The following PRXL2A variants were observed in gnomAD, a reference collection of about 807,000 sequenced individuals.
The protein encoded by PRXL2A is peroxiredoxin-like 2A.
In PRXL2A, 26 loss-of-function variants were observed where a neutral mutation model predicts 25.6. The observed-to-expected ratio is 1.02, with a 90% CI of 0.74 to 1.41. PRXL2A has a LOEUF of 1.41. Ranked by LOEUF, PRXL2A falls within the 40% of genes most tolerant of loss-of-function variation. PRXL2A has a pLI of 0.00. For missense variants in PRXL2A, 246 were observed against 273.9 expected (o/e 0.90, Z 0.72); for synonymous variants, 98 against 102.9 (o/e 0.95, Z 0.29).
intron 1 of PRXL2A, chr10:80,419,989 G>A (rs1844804180): frequency 3.0e-6 from 3 of 985,410 alleles, no homozygotes; most frequent in Non-Finnish European, 3.6e-6. Context: ...CAGTGCGGTT[G>A]GTGTTCTAAG....
Position 80,433,314 on chromosome 10 carries a change from T to C in PRXL2A, c.*1215T>C, listed in dbSNP as rs1796899570. On this transcript the variant is annotated 3_prime_UTR_variant, in exon 6 of 6. Transcript: ENST00000606162. ...ATGATGAAATATAACTTTATCTTTT[T>C]TGTTTGAATTTTGTCGTGTAAGTTT... 6.6e-6 allele frequency: 1 copy of C among 152,240 alleles called. No individual in the cohort carries two copies. Among genetic ancestry groups the C allele is most frequent in the Non-Finnish European group, 1.5e-5 (1 of 68,046 alleles). The allele number at this position is 152,240 out of a possible 1,614,324, so 9.4% of individuals were successfully genotyped here.
chr10:80,415,433 C>T (rs1268464382), intron 1 of PRXL2A, among the ~76,000 whole-genome samples: 6 of 152,228 alleles, frequency 3.9e-5, no homozygotes. Context: ...CTGCCCCAGT[C>T]AGCCTGCTGT....
intron 1 of PRXL2A, chr10:80,409,025 C>A: frequency 2.0e-6 from 2 of 985,318 alleles, no homozygotes; most frequent in Non-Finnish European, 2.4e-6. Flanking sequence ...AGGGCCCTGC[C>A]CTGGAGCATG....
chr10:80,427,302 C>T, intron 4 of PRXL2A, 30 bp from the exon 5 acceptor site: 1 of 1,606,736 alleles, frequency 6.2e-7, no homozygotes, highest in South Asian at 1.1e-5. Flanking sequence ...GTAGAGTACT[C>T]ATATGGGATC....
chr10:80,433,468 C>G lies in PRXL2A; in HGVS notation c.*1369C>G, dbSNP rs1040584700. On this transcript the variant is annotated 3_prime_UTR_variant, in exon 6 of 6. Transcript: ENST00000606162. Reference sequence around the variant, plus strand: ...GTGTTTACCCAGGGGACTGGCCCAGCCAGGAGGAGAAAGGAATCAGTGTTT... The same window carrying G: ...GTGTTTACCCAGGGGACTGGCCCAGGCAGGAGGAGAAAGGAATCAGTGTTT... 1 of 152,128 alleles carries G rather than the reference C, an allele frequency of 6.6e-6. No individual in the cohort carries two copies. The highest frequency in any genetic ancestry group is 6.5e-5 in the Admixed American group (1 of 15,268). 9.4% of individuals were successfully genotyped at this position (152,128 alleles called of 1,614,324 possible).
chr10:80,419,220 G>A (rs1322167552), intron 1 of PRXL2A, among the ~76,000 whole-genome samples: 2 of 151,844 alleles, frequency 1.3e-5, no homozygotes, highest in African/African-American at 4.8e-5. Flanking sequence ...TCTTGACCTC[G>A]TGATTCACCT....
In PRXL2A at chr10:80,425,904, C is replaced by G; in HGVS notation, c.309C>G (p.Asp103Glu). 1.9e-6 allele frequency: 3 copies of G among 1,614,226 alleles called. No homozygotes were observed. The highest frequency in any genetic ancestry group is 2.5e-6 in the Non-Finnish European group (3 of 1,180,030). The stretch of plus-strand genomic sequence containing the variant: ...TGTCCTCCCTGAAAAGCATGTTGGA[C>G]CAGCTGGGCGTCCCCCTCTATGCAG... ...ADLSSLKSMLDQLGVPLYAVV... is the reference protein window; with the variant it reads ...ADLSSLKSMLEQLGVPLYAVV... Residue 103 changes from aspartate to glutamate, a missense_variant, in exon 4 of 6, where the codon GAC (aspartate) becomes GAG (glutamate). Physicochemically the swap from Asp to Glu is conservative, Grantham distance 45. Coordinates refer to ENST00000606162, the MANE Select transcript of PRXL2A (RefSeq NM_032333.5).
Position 80,422,520 on chromosome 10 carries a change from T to G in PRXL2A, c.270+12T>G. ...TCCTCTGTCGAGAGGTGAGTGCAGA[T>G]GAGGATCTATTCAGAGAAAGGGATC... On this transcript the variant is annotated intron_variant, in intron 3 of 5. Coordinates refer to ENST00000606162, the MANE Select transcript of PRXL2A (RefSeq NM_032333.5). The G allele has an allele frequency of 2.5e-6, 4 of 1,608,656 alleles. No homozygotes were observed. The highest frequency in any genetic ancestry group is 3.4e-6 in the Non-Finnish European group (4 of 1,175,158).
intron 5 of PRXL2A, among the ~76,000 whole-genome samples, chr10:80,428,944 C>T (rs1353802789): frequency 6.6e-6 from 1 of 152,024 alleles, no homozygotes; most frequent in Non-Finnish European, 1.5e-5. Flanking sequence ...CTGTGTTGCC[C>T]AGGCTGGAGT....
intron 1 of PRXL2A, among the ~76,000 whole-genome samples, chr10:80,412,079 G>A (rs1844496881): frequency 6.6e-6 from 1 of 152,198 alleles, no homozygotes; most frequent in African/African-American, 2.4e-5. Context: ...AACAGTGGTG[G>A]CAGGGGTTCC....
chr10:80,424,603 C>T (rs1215668173), intron 3 of PRXL2A, among the ~76,000 whole-genome samples: 1 of 150,366 alleles, frequency 6.7e-6, no homozygotes, highest in Non-Finnish European at 1.5e-5. Flanking sequence ...CAGTGGCTCA[C>T]ACCTGTACTC....
At position 80,412,796 on chromosome 10, in the gene PRXL2A, G is replaced by A. The variant is rs576562035; in HGVS notation, c.-3+4153G>A. 7.2e-4 allele frequency among the ~76,000 whole-genome samples: 110 copies of A among 152,320 alleles called. 1 individual carries two copies. The highest frequency in any genetic ancestry group is 2.5e-3 in the African/African-American group (103 of 41,558). On this transcript the variant is annotated intron_variant, in intron 1 of 5. Transcript: ENST00000606162. Reference sequence around the variant, plus strand: ...GAGCAACACTTGCTGAAGCCAAGCTGTGGAGGGCCCCATCAGCTGGCTTGC... The same window carrying A: ...GAGCAACACTTGCTGAAGCCAAGCTATGGAGGGCCCCATCAGCTGGCTTGC...
chr10:80,415,255 G>A (rs1253700195), intron 1 of PRXL2A, among the ~76,000 whole-genome samples: 1 of 152,230 alleles, frequency 6.6e-6, no homozygotes, highest in African/African-American at 2.4e-5. Context: ...GCCCCAGAGG[G>A]CTGAATCTCT....
intron 1 of PRXL2A, among the ~76,000 whole-genome samples, chr10:80,411,735 C>G (rs994217206): frequency 6.6e-6 from 1 of 152,174 alleles, no homozygotes; most frequent in Non-Finnish European, 1.5e-5. Context: ...CCTTTCAAGA[C>G]TTGTTCACTG....
chr10:80,408,266 G>C, upstream of PRXL2A, among the ~76,000 whole-genome samples: 1 of 152,188 alleles, frequency 6.6e-6, no homozygotes, highest in East Asian at 1.9e-4. Context: ...GGTGCTTCCA[G>C]GCTCCATTAG....
chr10:80,425,014 T>C (rs4258322), intron 3 of PRXL2A, among the ~76,000 whole-genome samples: 121,068 of 152,258 alleles, frequency 0.8, 49,001 homozygotes, highest in East Asian at 0.97. Context: ...CATTAGTTGT[T>C]TTTTTTCTTA....
chr10:80,417,764 T>G (rs1376138325), intron 1 of PRXL2A, among the ~76,000 whole-genome samples: 1 of 151,598 alleles, frequency 6.6e-6, no homozygotes, highest in Non-Finnish European at 1.5e-5. Flanking sequence ...TTTTGTTTTT[T>G]TTTTTTTAAA....
At chr10:80,420,203 A>C in intron 1 of PRXL2A, 3 of 1,118,652 alleles carry the variant, frequency 2.7e-6, no homozygotes, top group Non-Finnish European at 3.3e-6. Flanking sequence ...GAACCATTTG[A>C]GAAGGCTGTC....
In PRXL2A at chr10:80,432,769, A is replaced by G. The variant is rs1195230666; in HGVS notation, c.*670A>G. ...AGAAAAGTTGATGATTGACTTGAAG[A>G]TTACAAAATTTAAGGTTTTTTGGCA... On this transcript the variant is annotated 3_prime_UTR_variant, in exon 6 of 6. Transcript: ENST00000606162. 1.3e-5 allele frequency: 2 copies of G among 152,106 alleles called. No individual in the cohort carries two copies. The highest frequency in any genetic ancestry group is 1.3e-4 in the Admixed American group (2 of 15,272). The allele number at this position is 152,106 out of a possible 1,614,324, so 9.4% of individuals were successfully genotyped here.
Sources: allele counts gnomAD v4.1 joint callset (sites outside exome capture counted in the v4.1 genomes callset), GRCh38; gene constraint gnomAD v4.1.1; transcripts MANE v1.5; gene names NCBI Gene and HGNC (gene_info 2026-07-23, HGNC 2026-07-21).